Variants in RBFOX1 observed in about 807,000 individuals in gnomAD.
RBFOX1 encodes RNA binding fox-1 homolog 1.
A neutral mutation model predicts 57.7 loss-of-function variants in RBFOX1; 8 were observed. The observed-to-expected ratio is 0.14, with a 90% CI of 0.08 to 0.25. The LOEUF is 0.25. Among genes scored for constraint, RBFOX1 ranks in the 10% least tolerant of loss-of-function variants. RBFOX1 has a pLI of 1.00. For synonymous variants in RBFOX1, 326 were observed against 222.4 expected, an observed-to-expected ratio of 1.47 and a Z score of -4.15; for missense variants, 611 against 548.5, an observed-to-expected ratio of 1.11 and a Z score of -1.14.
chr16:7,489,297 A>G (rs999724196), intron 4 of RBFOX1, among the ~76,000 whole-genome samples: 1 of 152,240 alleles, frequency 6.6e-6, no homozygotes. Flanking sequence ...AGCATTTACT[A>G]AATGACAGGA....
chr16:6,553,779 C>T (rs1040709937), intron 2 of RBFOX1, among the ~76,000 whole-genome samples: 1 of 152,140 alleles, frequency 6.6e-6, no homozygotes, highest in Admixed American at 6.6e-5. Context: ...CAGGGAGGGA[C>T]AGTTTCCTAA....
chr16:7,703,602 G>A (rs1321536174), intron 14 of RBFOX1, among the ~76,000 whole-genome samples: 1 of 152,140 alleles, frequency 6.6e-6, no homozygotes, highest in Admixed American at 6.5e-5. Flanking sequence ...TTAAAACCCT[G>A]GTGTGGAGTA....
chr16:5,868,146 T>C (rs2057386493), intron 4 of RBFOX1, among the ~76,000 whole-genome samples: 1 of 152,166 alleles, frequency 6.6e-6, no homozygotes, highest in Non-Finnish European at 1.5e-5. Context: ...ATTGTCCATG[T>C]TGTAATGTAA....
At chr16:6,821,815 T>C (rs1418768955) in intron 3 of RBFOX1, among the ~76,000 whole-genome samples, 1 of 152,228 alleles carries the variant, frequency 6.6e-6, no homozygotes, top group Non-Finnish European at 1.5e-5. Context: ...CTGTTGTGAA[T>C]GATGCTGTTA....
intron 2 of RBFOX1, among the ~76,000 whole-genome samples, chr16:6,442,174 T>C (rs150401950): frequency 0.01 from 1,546 of 152,248 alleles, 31 homozygotes; most frequent in African/African-American, 0.034. Flanking sequence ...GAGCTTGACT[T>C]AGTGGTAGCT....
chr16:6,266,370 A>G (rs938345745), intron 1 of RBFOX1, among the ~76,000 whole-genome samples: 1 of 152,160 alleles, frequency 6.6e-6, no homozygotes, highest in African/African-American at 2.4e-5. Context: ...TTTCTTTGTA[A>G]AACCTTCCAA....
chr16:7,555,647 G>T (rs779274289), intron 5 of RBFOX1, among the ~76,000 whole-genome samples: 1 of 152,058 alleles, frequency 6.6e-6, no homozygotes, highest in Non-Finnish European at 1.5e-5. Context: ...CCCCTTGAAC[G>T]TTCTGTACCA....
chr16:6,226,176 G>A (rs1220671221), intron 1 of RBFOX1, among the ~76,000 whole-genome samples: 1 of 146,092 alleles, frequency 6.8e-6, no homozygotes, highest in East Asian at 2.0e-4. Context: ...CCTGCAACAT[G>A]GTGAAACCCA....
chr16:5,321,434 C>G (rs2064403451), intron 1 of RBFOX1, among the ~76,000 whole-genome samples: 1 of 152,068 alleles, frequency 6.6e-6, no homozygotes, highest in African/African-American at 2.4e-5. Flanking sequence ...ATTATCCTGC[C>G]TCAGCCTCCC....
intron 3 of RBFOX1, among the ~76,000 whole-genome samples, chr16:6,945,679 T>C (rs1393284643): frequency 6.6e-6 from 1 of 151,996 alleles, no homozygotes; most frequent in Non-Finnish European, 1.5e-5. Flanking sequence ...TTACCTGAGG[T>C]CAGGAGTTCA....
intron 2 of RBFOX1, among the ~76,000 whole-genome samples, chr16:6,353,032 G>A (rs1488034775): frequency 6.6e-6 from 1 of 152,136 alleles, no homozygotes. Context: ...GTGCTGGCCG[G>A]CTGCTTTCTC....
intron 4 of RBFOX1, among the ~76,000 whole-genome samples, chr16:7,223,749 G>A (rs1412490609): frequency 6.6e-6 from 1 of 150,478 alleles, no homozygotes; most frequent in Non-Finnish European, 1.5e-5. Context: ...AAATGAGCAA[G>A]GCAGGTGGAT....
chr16:7,317,583 C>G (rs1017221083), intron 4 of RBFOX1, among the ~76,000 whole-genome samples: 9 of 152,164 alleles, frequency 5.9e-5, no homozygotes, highest in African/African-American at 1.9e-4. Flanking sequence ...GTAAGGTGCT[C>G]TGTAGCATCC....
chr16:6,670,135 T>C (rs1188840736), intron 3 of RBFOX1, among the ~76,000 whole-genome samples: 5 of 152,114 alleles, frequency 3.3e-5, no homozygotes, highest in African/African-American at 4.8e-5. Flanking sequence ...AGTTATATAG[T>C]ACCAAGTGGG....
chr16:6,955,079 A>C lies in RBFOX1; in HGVS notation c.-15-96978A>C, dbSNP rs112013416. ...AACCCCATCTCTACAAAAAAAAAAAAACACACAAAAAATTAGCTGGGCATG... is the reference window on the plus strand; with the variant it reads ...AACCCCATCTCTACAAAAAAAAAAACACACACAAAAAATTAGCTGGGCATG... On this transcript the variant is annotated intron_variant, in intron 3 of 15. Transcript: ENST00000550418. 3.5e-3 allele frequency among the ~76,000 whole-genome samples: 496 copies of C among 140,248 alleles called. 9 individuals are homozygous for C. Among genetic ancestry groups the C allele is most frequent in the South Asian group, 0.027 (119 of 4,346 alleles). 92.0% of individuals were successfully genotyped at this position (140,248 alleles called of 152,430 possible).
At chr16:6,851,117 G>T (rs1168840474) in intron 3 of RBFOX1, among the ~76,000 whole-genome samples, 1 of 152,128 alleles carries the variant, frequency 6.6e-6, no homozygotes, top group Non-Finnish European at 1.5e-5. Flanking sequence ...CCCTTGTGGT[G>T]AGTGGAAAAA....
intron 2 of RBFOX1, among the ~76,000 whole-genome samples, chr16:6,611,081 C>T (rs1296572924): frequency 6.6e-6 from 1 of 152,116 alleles, no homozygotes; most frequent in African/African-American, 2.4e-5. Context: ...GAAGCAAAAG[C>T]AGGAAACCAA....
chr16:5,330,531 T>C (rs915156635), intron 1 of RBFOX1, among the ~76,000 whole-genome samples: 3 of 151,998 alleles, frequency 2.0e-5, no homozygotes, highest in African/African-American at 7.3e-5. Flanking sequence ...GTCTCCCAAG[T>C]AGCTGGGACT....
intron 1 of RBFOX1, among the ~76,000 whole-genome samples, chr16:5,456,637 T>G (rs2068638645): frequency 6.6e-6 from 1 of 152,200 alleles, no homozygotes; most frequent in South Asian, 2.1e-4. Context: ...GTCAAGTCAG[T>G]GTATGAAATA....
Sources: gnomAD v4.1 joint callset for allele counts (sites outside exome capture counted in the v4.1 genomes callset) on GRCh38, gnomAD v4.1.1 for gene constraint, MANE v1.5 for transcripts, NCBI Gene and HGNC (gene_info 2026-07-23, HGNC 2026-07-21) for gene names.